Variants in USP28 observed in about 807,000 individuals in gnomAD.
USP28 encodes the protein ubiquitin specific peptidase 28, also known as ubiquitin carboxyl-terminal hydrolase 28.
USP28 carries 113 observed loss-of-function variants against 145.0 expected under a neutral mutation model. That is an observed-to-expected ratio of 0.78 (90% CI 0.67 to 0.91). The LOEUF is 0.91. USP28 is among the 40% of genes least tolerant of loss of function. The probability of loss-of-function intolerance (pLI) is 0.00; values close to 1 mark genes in which losing one functional copy is unlikely to be tolerated. For synonymous variants in USP28, 447 were observed against 450.9 expected, an observed-to-expected ratio of 0.99 and a Z score of 0.11; for missense variants, 1,201 against 1,289.6, an observed-to-expected ratio of 0.93 and a Z score of 1.05.
Position 113,860,867 on chromosome 11 carries a change from C to A in USP28, c.58-6532G>T, listed in dbSNP as rs1290269718. Among the ~76,000 whole-genome samples the A allele has an allele frequency of 2.0e-5, 3 of 151,858 alleles. No homozygotes were observed. The East Asian group carries it at 5.8e-4, about 29-fold the overall frequency. ...GGCTTGGTGGCTCATGCCTGTAATC[C>A]CAGCACTTTGGGAGGCCGAGGCAGG... On this transcript the variant is annotated intron_variant, in intron 1 of 24. Transcript: ENST00000003302.
chr11:113,831,786 T>C, intron 8 of USP28, 134 bp downstream of exon 8: 1 of 690,512 alleles, frequency 1.4e-6, no homozygotes, highest in South Asian at 2.1e-5. Context: ...TGATGAGGAC[T>C]ACCTCAGTGG....
At chr11:113,813,223 A>C (rs528069701) in intron 15 of USP28, among the ~76,000 whole-genome samples, 1 of 152,312 alleles carries the variant, frequency 6.6e-6, no homozygotes, top group East Asian at 1.9e-4. Flanking sequence ...TGCGTTTTAC[A>C]TGGTGCATTC....
intron 3 of USP28, among the ~76,000 whole-genome samples, chr11:113,851,571 G>A (rs1386058488): frequency 6.6e-6 from 1 of 152,098 alleles, no homozygotes; most frequent in Non-Finnish European, 1.5e-5. Context: ...TGAGGCGGGT[G>A]GATCACCTGA....
At chr11:113,845,068 C>A (rs1204135658) in intron 3 of USP28, among the ~76,000 whole-genome samples, 1 of 150,628 alleles carries the variant, frequency 6.6e-6, no homozygotes, top group South Asian at 2.1e-4. Flanking sequence ...TGCAGTGAGC[C>A]CTGTTTGCAC....
At position 113,817,848 on chromosome 11, in the gene USP28, A is replaced by C. The variant is rs778337953; in HGVS notation, c.1284-11T>G. ...CCATATTTCACATACCTAAGCGACA[A>C]AGACAGTGGTACTCTACTGCCCAAG... On this transcript the variant is annotated splice_polypyrimidine_tract_variant and intron_variant, in intron 12 of 24. Coordinates refer to ENST00000003302, the Ensembl canonical transcript of USP28. 1 of 1,612,034 alleles carries C rather than the reference A, an allele frequency of 6.2e-7. No individual in the cohort carries two copies. Among genetic ancestry groups the C allele is most frequent in the African/African-American group, 1.4e-5 (1 of 73,292 alleles).
intron 16 of USP28, among the ~76,000 whole-genome samples, chr11:113,810,182 C>T (rs886999681): frequency 3.9e-5 from 6 of 151,998 alleles, no homozygotes; most frequent in African/African-American, 1.2e-4. Flanking sequence ...CTGCATTTGG[C>T]GGATAAGAAT....
intron 12 of USP28, chr11:113,822,583 G>A (rs1942795567): frequency 6.7e-6 from 1 of 149,838 alleles, no homozygotes; most frequent in South Asian, 2.1e-4. Flanking sequence ...CATATAGCTG[G>A]GATTATAGGC....
At chr11:113,807,907 T>C in intron 18 of USP28, 44 bp downstream of exon 19, 1 of 994,536 alleles carries the variant, frequency 1.0e-6, no homozygotes, top group Non-Finnish European at 1.2e-6. Context: ...GAAGGAAATA[T>C]AAGACTGACA....
chr11:113,845,109 C>A (rs1420420228), intron 3 of USP28, among the ~76,000 whole-genome samples: 1 of 143,592 alleles, frequency 7.0e-6, no homozygotes, highest in Admixed American at 6.9e-5. Flanking sequence ...AACAGTGAGA[C>A]CCTTCTCAAA....
intron 12 of USP28, chr11:113,818,157 G>GT (rs1245985797): frequency 0.024 from 3,901 of 162,466 alleles, 28 homozygotes; most frequent in African/African-American, 0.036. Flanking sequence ...TTATTTTTTG[G>GT]TTTTTTTTTT....
chr11:113,859,613 A>G (rs1947428687), intron 1 of USP28, among the ~76,000 whole-genome samples: 1 of 151,762 alleles, frequency 6.6e-6, no homozygotes, highest in Non-Finnish European at 1.5e-5. Flanking sequence ...ATATATATTT[A>G]TATAAATATT....
At chr11:113,855,206 A>G (rs1276343856) in intron 1 of USP28, among the ~76,000 whole-genome samples, 1 of 152,246 alleles carries the variant, frequency 6.6e-6, no homozygotes, top group East Asian at 1.9e-4. Flanking sequence ...ATTAACCTAA[A>G]TCATGGAAAA....
At chr11:113,811,981 G>C (rs565361982) in intron 16 of USP28, among the ~76,000 whole-genome samples, 5 of 152,252 alleles carry the variant, frequency 3.3e-5, no homozygotes, top group African/African-American at 4.8e-5. Context: ...TGGGGAAAAG[G>C]GGGAGGGGAA....
chr11:113,801,741 A>T (rs923765745), intron 23 of USP28, 63 bp from the exon 25 acceptor site: 122 of 1,367,522 alleles, frequency 8.9e-5, no homozygotes, highest in Non-Finnish European at 1.1e-4. Context: ...CTCTTTAATA[A>T]CAGTCTAAAC....
At chr11:113,864,011 G>A (rs1049401752) in intron 1 of USP28, among the ~76,000 whole-genome samples, 2 of 151,882 alleles carry the variant, frequency 1.3e-5, no homozygotes, top group Non-Finnish European at 1.5e-5. Flanking sequence ...AGCTGAGGCG[G>A]ATGGATCACC....
At chr11:113,831,366 C>A (rs377665592) in intron 8 of USP28, among the ~76,000 whole-genome samples, 6 of 152,204 alleles carry the variant, frequency 3.9e-5, no homozygotes, top group Non-Finnish European at 8.8e-5. Flanking sequence ...TAAAAAGTTT[C>A]TCCTTACAAG....
chr11:113,800,474 A>G (rs910053120), intron 24 of USP28, among the ~76,000 whole-genome samples: 2 of 151,512 alleles, frequency 1.3e-5, no homozygotes, highest in Non-Finnish European at 2.9e-5. Flanking sequence ...CATTTTTTGT[A>G]GAGGCAGGGT....
chr11:113,831,878 C>T (rs1944024187), intron 8 of USP28, 42 bp downstream of exon 8: 4 of 1,584,978 alleles, frequency 2.5e-6, no homozygotes, highest in Non-Finnish European at 3.5e-6. Flanking sequence ...CACTGGCCCA[C>T]TGTGAGTCGG....
chr11:113,860,819 GA>G (rs759256040), intron 1 of USP28, among the ~76,000 whole-genome samples: 147 of 120,186 alleles, frequency 1.2e-3, no homozygotes, highest in East Asian at 2.1e-3. Context: ...ACTGTGTCTC[GA>G]AAAAAAAAAA....
Sources: allele counts gnomAD v4.1 joint callset (sites outside exome capture counted in the v4.1 genomes callset), GRCh38; gene constraint gnomAD v4.1.1; transcripts MANE v1.5; gene names NCBI Gene and HGNC (gene_info 2026-07-23, HGNC 2026-07-21).